GPR158: variants seen among roughly 807,000 people sequenced by gnomAD.
The protein encoded by GPR158 is metabotropic glycine receptor.
Under a neutral mutation model 78.2 loss-of-function variants are expected in GPR158, and 30 were observed. The ratio of observed to expected loss-of-function variants is 0.38; its 90% CI spans 0.29 to 0.52. The LOEUF is 0.52. GPR158 is among the 20% of genes least tolerant of loss of function. The probability of loss-of-function intolerance (pLI) is 0.83; values close to 1 mark genes in which losing one functional copy is unlikely to be tolerated. For synonymous variants in GPR158, 581 were observed against 591.1 expected, an observed-to-expected ratio of 0.98 and a Z score of 0.25; for missense variants, 1,463 against 1,523.5, an observed-to-expected ratio of 0.96 and a Z score of 0.66.
chr10:25,476,407 T>C (rs1835586972), intron 5 of GPR158, among the ~76,000 whole-genome samples: 1 of 144,824 alleles, frequency 6.9e-6, no homozygotes, highest in South Asian at 2.2e-4. Context: ...TTCTTTCCCC[T>C]CTAACCTTAG....
At chr10:25,522,660 A>G (rs1359262062) in intron 5 of GPR158, among the ~76,000 whole-genome samples, 1 of 152,224 alleles carries the variant, frequency 6.6e-6, no homozygotes, top group East Asian at 1.9e-4. Context: ...CAAGTTTGAA[A>G]ACTCACAAAA....
chr10:25,175,145 C>T lies in GPR158; in HGVS notation c.-276C>T, dbSNP rs1015345984. On this transcript the variant is annotated 5_prime_UTR_variant, in exon 1 of 11. Coordinates refer to ENST00000376351, the MANE Select transcript of GPR158 (RefSeq NM_020752.3). The surrounding 1 kb of genome is among the most constrained non-coding windows in gnomAD (Gnocchi z 6.4). Reference sequence around the variant, plus strand: ...GCTGGGAGCGCGAGGCCATGTAACCCGCTCGGCTCCAGGCTGCGAGGTGCG... The same window carrying T: ...GCTGGGAGCGCGAGGCCATGTAACCTGCTCGGCTCCAGGCTGCGAGGTGCG... 3 of 351,584 alleles carry T rather than the reference C, an allele frequency of 8.5e-6. No individual in the cohort carries two copies. Among genetic ancestry groups the T allele is most frequent in the African/African-American group, 4.2e-5 (2 of 47,152 alleles). 21.8% of individuals were successfully genotyped at this position (351,584 alleles called of 1,614,324 possible). A position where few individuals can be genotyped will look rare whatever the true frequency, so the allele number is the denominator to read the frequency against.
intron 2 of GPR158, among the ~76,000 whole-genome samples, chr10:25,322,015 CT>C (rs1405654696): frequency 3.3e-5 from 5 of 152,036 alleles, no homozygotes; most frequent in African/African-American, 9.7e-5. Flanking sequence ...TTTAATAGGT[CT>C]TTTAATAGAT....
intron 2 of GPR158, among the ~76,000 whole-genome samples, chr10:25,293,666 A>G (rs72792078): frequency 0.053 from 8,080 of 152,134 alleles, 258 homozygotes; most frequent in Non-Finnish European, 0.073. Context: ...TCCATAGCAA[A>G]TTATTTCCTT....
At chr10:25,516,625 G>A (rs1296644466) in intron 5 of GPR158, among the ~76,000 whole-genome samples, 1 of 122,024 alleles carries the variant, frequency 8.2e-6, no homozygotes, top group Non-Finnish European at 1.7e-5. Flanking sequence ...TATTAAATAG[G>A]GAATCCTTTC....
At chr10:25,307,859 C>A (rs1375832283) in intron 2 of GPR158, among the ~76,000 whole-genome samples, 1 of 152,014 alleles carries the variant, frequency 6.6e-6, no homozygotes, top group Admixed American at 6.6e-5. Context: ...TTCTAAATAA[C>A]CTTGTGCTTA....
intron 2 of GPR158, among the ~76,000 whole-genome samples, chr10:25,360,053 G>A (rs2130532093): frequency 6.6e-6 from 1 of 152,250 alleles, no homozygotes; most frequent in South Asian, 2.1e-4. Flanking sequence ...CTGCATAAAT[G>A]TCTTCTTTTA....
At chr10:25,368,386 A>C (rs544226097) in intron 2 of GPR158, among the ~76,000 whole-genome samples, 1 of 152,020 alleles carries the variant, frequency 6.6e-6, no homozygotes, top group African/African-American at 2.4e-5. Context: ...AGAAATTTGT[A>C]AGAAAAAAGC....
At position 25,366,811 on chromosome 10, in the gene GPR158, A is replaced by T. The variant is rs1588827783; in HGVS notation, c.1009-29100A>T. Among the ~76,000 whole-genome samples the T allele has an allele frequency of 2.0e-5, 3 of 147,026 alleles. No homozygotes were observed. The South Asian group carries it at 6.5e-4, about 32-fold the overall frequency. On this transcript the variant is annotated intron_variant, in intron 2 of 10. Transcript: ENST00000376351. Reference sequence around the variant, plus strand: ...CACTTTTAGATTGTGTATTGATTAAATTTTTTTTGATGATTATGAGGTTGA... The same window carrying T: ...CACTTTTAGATTGTGTATTGATTAATTTTTTTTTGATGATTATGAGGTTGA...
intron 1 of GPR158, among the ~76,000 whole-genome samples, chr10:25,205,897 A>G (rs1853020934): frequency 6.6e-6 from 1 of 151,708 alleles, no homozygotes; most frequent in Admixed American, 6.6e-5. Context: ...TATGAGAAGA[A>G]TATATATTCT....
chr10:25,271,986 A>T lies in GPR158; in HGVS notation c.1008+50829A>T, dbSNP rs146449798. Among the ~76,000 whole-genome samples, 35 of 152,252 alleles carry T rather than the reference A, an allele frequency of 2.3e-4. No homozygotes were observed. In the East Asian group the frequency reaches 5.4e-3, roughly 24 times the overall value. ...TTCTTTGTGGGCAAAAATGCCCAGAAGTGCCTTTGATTGGTTCTTTGGTAA... is the reference window on the plus strand; with the variant it reads ...TTCTTTGTGGGCAAAAATGCCCAGATGTGCCTTTGATTGGTTCTTTGGTAA... On this transcript the variant is annotated intron_variant, in intron 2 of 10. Transcript: ENST00000376351.
rs1451021336 is a variant in GPR158, at chr10:25,599,074, A to T, written c.3448A>T (p.Asn1150Tyr). The change falls in exon 11 of 11, where the codon AAT becomes TAT. Residue 1150 changes from asparagine (N) to tyrosine (Y), a missense_variant. Asn to Tyr is a moderately radical substitution (Grantham distance 143). Coordinates refer to ENST00000376351, the MANE Select transcript of GPR158 (RefSeq NM_020752.3). ...AAAAAAGACATCTTCTTCTGAGGAG[A>T]ATGTGCGTGGCTCCTATAACTCAAG... ...QEKKTSSSEE[N>Y]VRGSYNSSNN... is the part of the protein sequence containing the mutation. 1 of 1,613,626 alleles carries T rather than the reference A, an allele frequency of 6.2e-7. No homozygotes were observed. Among genetic ancestry groups the T allele is most frequent in the South Asian group, 1.1e-5 (1 of 91,080 alleles).
intron 5 of GPR158, among the ~76,000 whole-genome samples, chr10:25,472,289 T>G (rs1835517902): frequency 6.6e-6 from 1 of 152,030 alleles, no homozygotes; most frequent in Non-Finnish European, 1.5e-5. Flanking sequence ...GTGGTATTAT[T>G]TCTGAGGGCT....
At chr10:25,197,160 G>A (rs547169670) in intron 1 of GPR158, among the ~76,000 whole-genome samples, 20 of 152,298 alleles carry the variant, frequency 1.3e-4, no homozygotes, top group Middle Eastern at 3.4e-3. Flanking sequence ...AAACAAGAAC[G>A]TGAACCTAGG....
At chr10:25,388,604 C>A (rs930297642) in intron 2 of GPR158, among the ~76,000 whole-genome samples, 2 of 152,244 alleles carry the variant, frequency 1.3e-5, no homozygotes, top group Non-Finnish European at 2.9e-5. Flanking sequence ...CAGGCCAGGT[C>A]ACCTGCTGGT....
At chr10:25,265,345 A>T (rs981371322) in intron 2 of GPR158, among the ~76,000 whole-genome samples, 2 of 152,138 alleles carry the variant, frequency 1.3e-5, no homozygotes, top group Non-Finnish European at 2.9e-5. Flanking sequence ...CAAGAAAGTC[A>T]TATGTTCCAG....
chr10:25,246,828 T>G (rs558913506), intron 2 of GPR158, among the ~76,000 whole-genome samples: 3 of 152,216 alleles, frequency 2.0e-5, no homozygotes, highest in Non-Finnish European at 4.4e-5. Context: ...CTAACAAGCA[T>G]GAGATCCTTT....
chr10:25,281,409 C>CAAAA (rs749627659), intron 2 of GPR158, among the ~76,000 whole-genome samples: 54 of 68,496 alleles, frequency 7.9e-4, no homozygotes, highest in African/African-American at 2.4e-3. Context: ...ACCAAAAATA[C>CAAAA]AAAAAAAAAA....
At chr10:25,568,476 A>G (rs1449771588) in intron 6 of GPR158, among the ~76,000 whole-genome samples, 1 of 152,210 alleles carries the variant, frequency 6.6e-6, no homozygotes, top group Non-Finnish European at 1.5e-5. Context: ...GAAGAAAACC[A>G]AGAGAATGTG....
Sources: gnomAD v4.1 joint callset for allele counts (sites outside exome capture counted in the v4.1 genomes callset) on GRCh38, gnomAD v4.1.1 for gene constraint, Gnocchi (gnomAD v3.1) non-coding constraint, MANE v1.5 for transcripts, NCBI Gene and HGNC (gene_info 2026-07-23, HGNC 2026-07-21) for gene names.